The following MTUS1 variants were observed in gnomAD, a reference collection of about 807,000 sequenced individuals.
The protein encoded by MTUS1 is microtubule-associated tumor suppressor 1.
Under a neutral mutation model 120.8 loss-of-function variants are expected in MTUS1, and 109 were observed. The observed-to-expected ratio is 0.90, with a 90% CI of 0.77 to 1.06. MTUS1 has a LOEUF of 1.06. Ranked by LOEUF, MTUS1 falls within the 50% of genes least tolerant of loss-of-function variation. MTUS1 has a pLI of 0.00. For missense variants in MTUS1, 2,210 were observed against 1,486.3 expected, an observed-to-expected ratio of 1.49 and a Z score of -8.01; for synonymous variants, 737 against 550.5, an observed-to-expected ratio of 1.34 and a Z score of -4.74.
At chr8:17,727,907 T>C (rs1172691911) in intron 3 of MTUS1, among the ~76,000 whole-genome samples, 1 of 152,178 alleles carries the variant, frequency 6.6e-6, no homozygotes, top group Non-Finnish European at 1.5e-5. Context: ...CCTTAGATAG[T>C]AACACAGTCT....
intron 6 of MTUS1, among the ~76,000 whole-genome samples, chr8:17,700,277 T>C (rs1818783828): frequency 6.6e-6 from 1 of 151,866 alleles, no homozygotes; most frequent in Non-Finnish European, 1.5e-5. Flanking sequence ...AAGACCAGCC[T>C]GGCCAACATG....
At chr8:17,778,285 C>T (rs1335466543) in intron 1 of MTUS1, among the ~76,000 whole-genome samples, 3 of 152,124 alleles carry the variant, frequency 2.0e-5, no homozygotes, top group African/African-American at 4.8e-5. Flanking sequence ...AGTCTCCATA[C>T]TCTATAACTC....
chr8:17,684,354 C>G lies in MTUS1; in HGVS notation c.2812G>C (p.Val938Leu). ...CGNTKFEALT[V>L]VIQHLLSERE... ...TCAGACAGCAGGTGCTGAATCACAA[C>G]TGTCAATGCCTCAAACTTGGTATTA... Residue 938 changes from valine to leucine, a missense_variant, in exon 7 of 15, where the codon GTT (valine) becomes CTT (leucine). Physicochemically the swap from Val to Leu is conservative, Grantham distance 32. Coordinates refer to ENST00000693296, the MANE Select transcript of MTUS1 (RefSeq NM_001363059.2). 6.2e-7 allele frequency: 1 copy of G among 1,614,156 alleles called. No homozygotes were observed. Among genetic ancestry groups the G allele is most frequent in the Non-Finnish European group, 8.5e-7 (1 of 1,179,984 alleles).
At chr8:17,651,264 G>C (rs1585398611) in intron 12 of MTUS1, among the ~76,000 whole-genome samples, 2 of 152,044 alleles carry the variant, frequency 1.3e-5, no homozygotes, top group East Asian at 1.9e-4. Flanking sequence ...AGAAGGAATA[G>C]GTTCTAGTGT....
At chr8:17,706,260 C>G (rs1246496316) in intron 6 of MTUS1, 2 of 152,076 alleles carry the variant, frequency 1.3e-5, no homozygotes, top group African/African-American at 4.8e-5. Flanking sequence ...ATATTATTGC[C>G]TTTCTGGGAA....
chr8:17,702,279 G>A (rs1819250482), intron 6 of MTUS1, among the ~76,000 whole-genome samples: 1 of 152,148 alleles, frequency 6.6e-6, no homozygotes, highest in Non-Finnish European at 1.5e-5. Context: ...AGAACTGAGA[G>A]CACATTATTT....
intron 1 of MTUS1, among the ~76,000 whole-genome samples, chr8:17,783,686 G>T (rs2051072101): frequency 1.3e-5 from 2 of 152,088 alleles, no homozygotes; most frequent in African/African-American, 2.4e-5. Flanking sequence ...ACTTCCAAGG[G>T]CCTGACAGCC....
chr8:17,745,819 G>A (rs1245698754), intron 2 of MTUS1, among the ~76,000 whole-genome samples: 3 of 152,174 alleles, frequency 2.0e-5, no homozygotes, highest in Non-Finnish European at 2.9e-5. Flanking sequence ...GGAAGCTAGT[G>A]ATATAATTTG....
chr8:17,736,981 C>T (rs933704761), intron 3 of MTUS1, among the ~76,000 whole-genome samples: 4 of 152,306 alleles, frequency 2.6e-5, no homozygotes, highest in Non-Finnish European at 4.4e-5. Flanking sequence ...ATGGAAGGAA[C>T]GGGTCTCTTC....
chr8:17,683,098 C>G (rs2130758333), intron 7 of MTUS1, among the ~76,000 whole-genome samples: 1 of 152,254 alleles, frequency 6.6e-6, no homozygotes, highest in Admixed American at 6.5e-5. Context: ...CAGTGAAACC[C>G]CGTCTCTACT....
Position 17,645,862 on chromosome 8 carries a change from T to C in MTUS1, c.*64A>G. ...TACCTCTTGTGCCCACGTTCCTCCTTGGGGTCAGTCCTGCAGACCTGCATC... is the reference window on the plus strand; with the variant it reads ...TACCTCTTGTGCCCACGTTCCTCCTCGGGGTCAGTCCTGCAGACCTGCATC... On this transcript the variant is annotated 3_prime_UTR_variant, in exon 15 of 15. Transcript: ENST00000693296. The C allele has an allele frequency of 1.3e-6, 2 of 1,545,756 alleles. No individual in the cohort carries two copies. Among genetic ancestry groups the C allele is most frequent in the Non-Finnish European group, 1.7e-6 (2 of 1,144,940 alleles).
rs562231391 is a variant in MTUS1 at position 17,654,255 on chromosome 8, T to C, written c.3214+306A>G. The C allele has an allele frequency of 2.0e-3, 810 of 400,974 alleles. 1 individual carries two copies. Among genetic ancestry groups the C allele is most frequent in the Non-Finnish European group, 2.4e-3 (529 of 222,094 alleles). The allele number at this position is 400,974 out of a possible 1,614,324, so 24.8% of individuals were successfully genotyped here. Reference sequence around the variant, plus strand: ...GGATCCTTTACTGTGGATTACAAGATAGAAACTTGTACTTGCCACTTCCCA... The same window carrying C: ...GGATCCTTTACTGTGGATTACAAGACAGAAACTTGTACTTGCCACTTCCCA... On this transcript the variant is annotated intron_variant, in intron 10 of 14. Transcript: ENST00000693296.
chr8:17,757,275 T>A (rs997540256), intron 1 of MTUS1, among the ~76,000 whole-genome samples: 19 of 152,182 alleles, frequency 1.2e-4, no homozygotes, highest in African/African-American at 4.6e-4. Flanking sequence ...ACTTGAAATA[T>A]TATATCAAAT....
chr8:17,693,544 C>T (rs1472534894), intron 6 of MTUS1, among the ~76,000 whole-genome samples: 1 of 152,200 alleles, frequency 6.6e-6, no homozygotes, highest in Non-Finnish European at 1.5e-5. Context: ...CTCAGAAATA[C>T]TACAACTCCT....
rs1210338239 is a variant in MTUS1 at position 17,742,269 on chromosome 8, G to GTTTTTTT, written c.2287+1328_2287+1334dup. Among the ~76,000 whole-genome samples, 33 of 94,904 alleles carry GTTTTTTT rather than the reference G, an allele frequency of 3.5e-4. 3 individuals carry two copies. The highest frequency in any genetic ancestry group is 9.0e-4 in the African/African-American group (21 of 23,282). The allele number at this position is 94,904 out of a possible 152,430, so 62.3% of individuals were successfully genotyped here. ...CACCATCATGCTCTCATGCCCAGCTGTTTTTTTTTTTTGTTGTTGTTGTTT... is the reference window on the plus strand; with the variant it reads ...CACCATCATGCTCTCATGCCCAGCTGTTTTTTTTTTTTTTTTTTTGTTGTTGTTGTTT... On this transcript the variant is annotated intron_variant, in intron 3 of 14. Coordinates refer to ENST00000693296, the MANE Select transcript of MTUS1 (RefSeq NM_001363059.2).
chr8:17,684,436 TG>T lies in MTUS1; in HGVS notation c.2729del (p.Thr910LysfsTer27). On this transcript the variant is annotated frameshift_variant, in exon 7 of 15. Transcript: ENST00000693296. LOFTEE classifies it high-confidence loss of function. ...EKTLELTQYK[T>X]KCENQSGFIL... ...TAAATCCACTTTGGTTTTCACATTTTGTTTTATATTGCGTCAATTCAAGTGT... is the reference window on the plus strand; with the variant it reads ...TAAATCCACTTTGGTTTTCACATTTTTTTTATATTGCGTCAATTCAAGTGT... 6.2e-7 allele frequency: 1 copy of T among 1,614,224 alleles called. No individual in the cohort carries two copies.
At chr8:17,711,441 G>A (rs1297730658) in intron 6 of MTUS1, among the ~76,000 whole-genome samples, 1 of 147,488 alleles carries the variant, frequency 6.8e-6, no homozygotes, top group Non-Finnish European at 1.5e-5. Context: ...ACCAACCTCT[G>A]CTAGCTTCCA....
intron 6 of MTUS1, chr8:17,697,224 G>T (rs564110403): frequency 6.4e-7 from 1 of 1,569,466 alleles, no homozygotes; most frequent in Non-Finnish European, 8.7e-7. Flanking sequence ...CATCCCCCGT[G>T]CAACACTAAA....
chr8:17,715,799 G>A lies in MTUS1; in HGVS notation c.2552C>T (p.Ala851Val). Residue 851 changes from alanine (A) to valine (V), a missense_variant, in exon 5 of 15, where the codon GCT becomes GTT. By Grantham distance (64) the Ala-to-Val change is moderately conservative. Coordinates refer to ENST00000693296, the MANE Select transcript of MTUS1 (RefSeq NM_001363059.2). ...SFYLKPLVSR[A>V]HVHLMKTPPK... Reference sequence around the variant, plus strand: ...AGGAGTTTTCATCAAGTGAACATGAGCCCTGGATACCAAAGGCTTCAAATA... The same window carrying A: ...AGGAGTTTTCATCAAGTGAACATGAACCCTGGATACCAAAGGCTTCAAATA... The A allele has an allele frequency of 6.2e-7, 1 of 1,613,880 alleles. No homozygotes were observed. Among genetic ancestry groups the A allele is most frequent in the Non-Finnish European group, 8.5e-7 (1 of 1,179,942 alleles).
Sources: allele counts gnomAD v4.1 joint callset (sites outside exome capture counted in the v4.1 genomes callset), GRCh38; gene constraint gnomAD v4.1.1; transcripts MANE v1.5; gene names NCBI Gene and HGNC (gene_info 2026-07-23, HGNC 2026-07-21).